DCBLD2: variants seen among roughly 807,000 people sequenced by gnomAD.
DCBLD2 encodes the protein discoidin, CUB and LCCL domain-containing protein 2.
A neutral mutation model predicts 86.8 loss-of-function variants in DCBLD2; 54 were observed. That is an observed-to-expected ratio of 0.62 (90% CI 0.50 to 0.78). The LOEUF is 0.78. Among genes scored for constraint, DCBLD2 ranks in the 30% least tolerant of loss-of-function variants. DCBLD2 has a pLI of 0.00. For missense variants in DCBLD2, 908 were observed against 954.2 expected (o/e 0.95, Z 0.64); for synonymous variants, 354 against 341.3 (o/e 1.04, Z -0.41).
At chr3:98,829,866 G>C (rs922151519) in intron 3 of DCBLD2, among the ~76,000 whole-genome samples, 2 of 152,070 alleles carry the variant, frequency 1.3e-5, no homozygotes, top group Non-Finnish European at 2.9e-5. Flanking sequence ...CACCAACAGC[G>C]TTTAAGTGTT....
intron 3 of DCBLD2, among the ~76,000 whole-genome samples, chr3:98,839,015 G>A (rs1428275155): frequency 7.9e-6 from 1 of 126,606 alleles, no homozygotes; most frequent in African/African-American, 2.9e-5. Flanking sequence ...CCGCATGAGA[G>A]GGAGACCGTC....
chr3:98,891,852 C>A (rs751776055), intron 1 of DCBLD2, among the ~76,000 whole-genome samples: 12 of 152,158 alleles, frequency 7.9e-5, no homozygotes, highest in Non-Finnish European at 1.6e-4. Context: ...TTTGTGAAAC[C>A]TTTCTGAAGC....
intron 2 of DCBLD2, among the ~76,000 whole-genome samples, chr3:98,854,156 T>A (rs1363546144): frequency 6.6e-6 from 1 of 152,158 alleles, no homozygotes; most frequent in Non-Finnish European, 1.5e-5. Context: ...GAAAGCTTAG[T>A]GTAGTGGGAC....
intron 13 of DCBLD2, among the ~76,000 whole-genome samples, chr3:98,803,851 T>G (rs907962653): frequency 2.6e-5 from 4 of 152,238 alleles, no homozygotes; most frequent in Admixed American, 2.0e-4. Context: ...TTACGTTTAT[T>G]GATTTGCATA....
intron 2 of DCBLD2, among the ~76,000 whole-genome samples, chr3:98,864,877 C>A (rs776278330): frequency 2.0e-5 from 3 of 151,884 alleles, no homozygotes; most frequent in African/African-American, 4.8e-5. Flanking sequence ...ATGTTCTGCA[C>A]CGTTAAACAC....
intron 3 of DCBLD2, among the ~76,000 whole-genome samples, chr3:98,837,813 C>T (rs1576172712): frequency 3.0e-5 from 4 of 134,866 alleles, no homozygotes; most frequent in East Asian, 2.4e-4. Flanking sequence ...GCTGGCCGGG[C>T]GGAGGGCTGA....
chr3:98,816,539 G>A (rs1942026952), intron 9 of DCBLD2, among the ~76,000 whole-genome samples: 2 of 152,094 alleles, frequency 1.3e-5, no homozygotes, highest in South Asian at 4.1e-4. Flanking sequence ...CTTTAACAGG[G>A]AGAGGCTCAC....
chr3:98,819,407 T>C lies in DCBLD2; in HGVS notation c.882A>G (p.Gly294=). The C allele has an allele frequency of 6.2e-7, 1 of 1,613,760 alleles. No homozygotes were observed. The highest frequency in any genetic ancestry group is 2.2e-5 in the East Asian group (1 of 44,880). Residue 294 remains glycine (G), a synonymous_variant, in exon 8 of 16, where the codon GGA becomes GGG. Transcript: ENST00000326840. The stretch of plus-strand genomic sequence containing the variant: ...TCACACCAGACTCCATCCCCAGTGT[T>C]CCATAACATCCTGAAACAAAGAAAA... ...LFTFKTSGCY[G]TLGMESGVIA... is the part of the protein sequence containing the mutation.
chr3:98,850,092 G>T (rs528415951), intron 2 of DCBLD2, among the ~76,000 whole-genome samples: 1 of 152,222 alleles, frequency 6.6e-6, no homozygotes, highest in Admixed American at 6.5e-5. Flanking sequence ...GATCATATCT[G>T]ATCCCATGGC....
chr3:98,874,962 C>A (rs1040221155), intron 2 of DCBLD2, among the ~76,000 whole-genome samples: 5 of 152,096 alleles, frequency 3.3e-5, no homozygotes, highest in African/African-American at 1.2e-4. Context: ...GTTACGGCAA[C>A]CTGAGCTCAG....
At chr3:98,895,865 G>C (rs779156746) in intron 1 of DCBLD2, among the ~76,000 whole-genome samples, 2 of 152,132 alleles carry the variant, frequency 1.3e-5, no homozygotes, top group African/African-American at 2.4e-5. Context: ...ACTATACTGA[G>C]GTACATGCAC....
At position 98,879,456 on chromosome 3, in the gene DCBLD2, G is replaced by A. The variant is rs1479193479; in HGVS notation, c.433+2084C>T. 4.0e-5 allele frequency among the ~76,000 whole-genome samples: 6 copies of A among 151,830 alleles called. No homozygotes were observed. The South Asian group carries it at 8.3e-4, about 21-fold the overall frequency. ...GGCTGGAGTGCAGTGGCTCGATCTC[G>A]GCTCACTGCAAGCTCCGTCTCCCGG... On this transcript the variant is annotated intron_variant, in intron 2 of 15. Coordinates refer to ENST00000326840, the MANE Select transcript of DCBLD2 (RefSeq NM_080927.4).
intron 13 of DCBLD2, among the ~76,000 whole-genome samples, chr3:98,802,690 T>C (rs1262165644): frequency 6.6e-6 from 1 of 152,206 alleles, no homozygotes; most frequent in Non-Finnish European, 1.5e-5. Flanking sequence ...AGGTCTAACA[T>C]TTAAGTCTTT....
chr3:98,823,425 T>C (rs1455163827), intron 4 of DCBLD2, among the ~76,000 whole-genome samples: 1 of 152,206 alleles, frequency 6.6e-6, no homozygotes, highest in African/African-American at 2.4e-5. Context: ...TTAAGCTGTA[T>C]TAAAAGAGGT....
At chr3:98,829,131 G>A (rs968824069) in intron 3 of DCBLD2, among the ~76,000 whole-genome samples, 3 of 152,032 alleles carry the variant, frequency 2.0e-5, no homozygotes, top group African/African-American at 7.3e-5. Flanking sequence ...AAAAATCAAT[G>A]AATTGTATAT....
intron 6 of DCBLD2, 140 bp downstream of exon 6, chr3:98,822,088 G>C (rs777263742): frequency 9.7e-7 from 1 of 1,030,104 alleles, no homozygotes; most frequent in South Asian, 1.3e-5. Flanking sequence ...GCACACTAAT[G>C]TGAGTGCTTA....
chr3:98,835,942 T>TTTCTTTTTC (rs1559779215), intron 3 of DCBLD2, among the ~76,000 whole-genome samples: 11 of 8,380 alleles, frequency 1.3e-3, no homozygotes, highest in African/African-American at 3.1e-3. Context: ...TTCTTTCTTT[T>TTTCTTTTTC]TTTTTTTTTT....
chr3:98,878,493 TA>T (rs11343340), intron 2 of DCBLD2, among the ~76,000 whole-genome samples: 25,167 of 152,048 alleles, frequency 0.17, 2,164 homozygotes, highest in African/African-American at 0.22. Context: ...AAACATGATA[TA>T]GGGGGAAAAA....
chr3:98,882,134 CTTAG>C (rs1943483094), intron 1 of DCBLD2, among the ~76,000 whole-genome samples: 1 of 152,088 alleles, frequency 6.6e-6, no homozygotes, highest in African/African-American at 2.4e-5. Flanking sequence ...TGACATTGTT[CTTAG>C]TATATCTATT....
Sources: gnomAD v4.1 joint callset for allele counts (sites outside exome capture counted in the v4.1 genomes callset) on GRCh38, gnomAD v4.1.1 for gene constraint, MANE v1.5 for transcripts, NCBI Gene and HGNC (gene_info 2026-07-23, HGNC 2026-07-21) for gene names.